The following RASSF8 variants were observed in gnomAD, a reference collection of about 807,000 sequenced individuals.
The protein encoded by RASSF8 is ras association domain-containing protein 8.
Under a neutral mutation model 48.5 loss-of-function variants are expected in RASSF8, and 22 were observed. The ratio of observed to expected loss-of-function variants is 0.45; its 90% confidence interval spans 0.32 to 0.65. The LOEUF (loss-of-function observed/expected upper bound fraction) is 0.65, where lower values mean the gene tolerates loss of function less well. Among genes scored for constraint, RASSF8 ranks in the 30% least tolerant of loss-of-function variants. The pLI, the probability that RASSF8 is intolerant of heterozygous loss-of-function variation, is 0.03. For missense variants in RASSF8, 418 were observed against 489.2 expected, an observed-to-expected ratio of 0.85 and a Z score of 1.37; for synonymous variants, 127 against 171.5, an observed-to-expected ratio of 0.74 and a Z score of 2.03.
intron 2 of RASSF8, among the ~76,000 whole-genome samples, chr12:26,023,777 A>T (rs185832357): frequency 6.6e-6 from 1 of 152,210 alleles, no homozygotes; most frequent in Non-Finnish European, 1.5e-5. Context: ...AAAAGAAATT[A>T]TAAAAAAAGT....
chr12:25,979,915 G>A (rs1941698892), intron 1 of RASSF8, among the ~76,000 whole-genome samples: 1 of 152,218 alleles, frequency 6.6e-6, no homozygotes, highest in East Asian at 1.9e-4. Context: ...GATGTAGCAG[G>A]TAGGGAAGGC....
rs1944014739 is a variant in RASSF8 at position 26,072,262 on chromosome 12, A to T, written c.*3444A>T. The T allele has an allele frequency of 1.0e-6, 1 of 977,962 alleles. No individual in the cohort carries two copies. The highest frequency in any genetic ancestry group is 1.2e-6 in the Non-Finnish European group (1 of 823,152). 60.6% of individuals were successfully genotyped at this position (977,962 alleles called of 1,614,324 possible). A position where few individuals can be genotyped will look rare whatever the true frequency, so the allele number is the denominator to read the frequency against. ...GTTCAGTTTTTTAAGTTGCATGTTT[A>T]TACTATTTGCTACAGTATTTTTAAG... On this transcript the variant is annotated 3_prime_UTR_variant, in exon 6 of 6. Coordinates refer to ENST00000689635, the MANE Select transcript of RASSF8 (RefSeq NM_001394098.1).
rs1379747886 is a variant in RASSF8 at position 26,072,152 on chromosome 12, T to C, written c.*3334T>C. 1.0e-6 allele frequency: 1 copy of C among 982,588 alleles called. No homozygotes were observed. The highest frequency in any genetic ancestry group is 1.2e-6 in the Non-Finnish European group (1 of 827,428). 60.9% of individuals were successfully genotyped at this position (982,588 alleles called of 1,614,324 possible). ...GGCCTTAATTTATATAACGATGCTG[T>C]GTTCACATCCCTCTCCTACCTAAAG... On this transcript the variant is annotated 3_prime_UTR_variant, in exon 6 of 6. Transcript: ENST00000689635.
intron 1 of RASSF8, among the ~76,000 whole-genome samples, chr12:25,976,631 C>T (rs983755480): frequency 1.3e-5 from 2 of 152,202 alleles, no homozygotes; most frequent in Non-Finnish European, 2.9e-5. Context: ...GGCCATTGAG[C>T]TGCTGCTTGG....
chr12:26,015,844 T>C (rs1406242434), intron 2 of RASSF8, among the ~76,000 whole-genome samples: 1 of 127,624 alleles, frequency 7.8e-6, no homozygotes, highest in Non-Finnish European at 1.8e-5. Context: ...TTTCTCTTTT[T>C]TCTTTATTGA....
Position 26,072,694 on chromosome 12 carries a change from G to T in RASSF8, c.*3876G>T. 1.0e-6 allele frequency: 1 copy of T among 984,182 alleles called. No homozygotes were observed. The highest frequency in any genetic ancestry group is 1.2e-6 in the Non-Finnish European group (1 of 828,852). 61.0% of individuals were successfully genotyped at this position (984,182 alleles called of 1,614,324 possible). ...TCACTAATTGTGAGCACATAAATAT[G>T]CTTTTAGTACTGCTTTGCTTATGTA... On this transcript the variant is annotated 3_prime_UTR_variant, in exon 6 of 6. Coordinates refer to ENST00000689635, the MANE Select transcript of RASSF8 (RefSeq NM_001394098.1).
chr12:26,001,474 T>C (rs1942255726), intron 2 of RASSF8, among the ~76,000 whole-genome samples: 1 of 152,214 alleles, frequency 6.6e-6, no homozygotes, highest in Non-Finnish European at 1.5e-5. Context: ...GATAACACTT[T>C]GCTTAAAATA....
intron 2 of RASSF8, among the ~76,000 whole-genome samples, chr12:26,016,536 A>G (rs1488370016): frequency 6.6e-6 from 1 of 152,156 alleles, no homozygotes; most frequent in African/African-American, 2.4e-5. Flanking sequence ...TGATATTGTT[A>G]TCTACATGTA....
Position 26,066,537 on chromosome 12 carries a change from A to T in RASSF8, c.994-1032A>T, listed in dbSNP as rs148767072. 5.3e-3 allele frequency among the ~76,000 whole-genome samples: 808 copies of T among 152,250 alleles called. 7 individuals are homozygous for T. The highest frequency in any genetic ancestry group is 0.019 in the African/African-American group (771 of 41,542). On this transcript the variant is annotated intron_variant, in intron 4 of 5. Coordinates refer to ENST00000689635, the MANE Select transcript of RASSF8 (RefSeq NM_001394098.1). ...TGCAGTAGAAGCTTGTCAGCCTCTA[A>T]TTTGTCAGTATTTTACTATTGGGAT...
At chr12:26,073,929 A>G (rs923474361), downstream of RASSF8, among the ~76,000 whole-genome samples, 1 of 151,948 alleles carries the variant, frequency 6.6e-6, no homozygotes, top group East Asian at 1.9e-4. Context: ...TTAGGGCCAC[A>G]TAGAAGAAAC....
intron 2 of RASSF8, among the ~76,000 whole-genome samples, chr12:26,001,096 C>T (rs1006920492): frequency 2.0e-5 from 3 of 150,646 alleles, no homozygotes; most frequent in African/African-American, 2.4e-5. Flanking sequence ...GTGATCCTCC[C>T]GCTTCAGCCT....
chr12:26,035,547 A>G (rs1943127196), intron 2 of RASSF8, among the ~76,000 whole-genome samples: 1 of 140,826 alleles, frequency 7.1e-6, no homozygotes, highest in South Asian at 2.2e-4. Flanking sequence ...AAAATTATAT[A>G]TAGTGTATAT....
intron 2 of RASSF8, among the ~76,000 whole-genome samples, chr12:26,011,114 A>C (rs1416026076): frequency 6.6e-6 from 1 of 152,232 alleles, no homozygotes; most frequent in Non-Finnish European, 1.5e-5. Context: ...TAGAAACCAC[A>C]GGAACCCTTA....
chr12:26,071,915 G>A lies in RASSF8; in HGVS notation c.*3097G>A. ...CACAGCATAAATGTAATTTACATCTGCATTAAAGGATAATTTTCTCTGTGA... is the reference window on the plus strand; with the variant it reads ...CACAGCATAAATGTAATTTACATCTACATTAAAGGATAATTTTCTCTGTGA... On this transcript the variant is annotated 3_prime_UTR_variant, in exon 6 of 6. Transcript: ENST00000689635. 1 of 985,032 alleles carries A rather than the reference G, an allele frequency of 1.0e-6. No homozygotes were observed. Among genetic ancestry groups the A allele is most frequent in the Non-Finnish European group, 1.2e-6 (1 of 829,606 alleles). The allele number at this position is 985,032 out of a possible 1,614,324, so 61.0% of individuals were successfully genotyped here.
Position 26,068,883 on chromosome 12 carries a change from TTGTGCCAA to T in RASSF8, c.*68_*75del. On this transcript the variant is annotated 3_prime_UTR_variant, in exon 6 of 6. Coordinates refer to ENST00000689635, the MANE Select transcript of RASSF8 (RefSeq NM_001394098.1). ...AAGGACAGTAAACTTCCTTTTTGAT[TTGTGCCAA>T]TGATGAACAGAGGATCTATTCCACA... 1 of 1,520,738 alleles carries T rather than the reference TTGTGCCAA, an allele frequency of 6.6e-7. No individual in the cohort carries two copies. Among genetic ancestry groups the T allele is most frequent in the East Asian group, 2.5e-5 (1 of 40,562 alleles). 94.2% of individuals were successfully genotyped at this position (1,520,738 alleles called of 1,614,324 possible).
At chr12:26,014,981 G>T (rs1176529936) in intron 2 of RASSF8, among the ~76,000 whole-genome samples, 2 of 151,992 alleles carry the variant, frequency 1.3e-5, no homozygotes, top group African/African-American at 4.8e-5. Context: ...CAAGGTGGGA[G>T]GATCGCTTGA....
At chr12:26,011,397 G>C (rs1942521381) in intron 2 of RASSF8, among the ~76,000 whole-genome samples, 2 of 152,124 alleles carry the variant, frequency 1.3e-5, no homozygotes, top group Non-Finnish European at 2.9e-5. Context: ...TCCTCTTCCT[G>C]ACGAGCAGTA....
chr12:25,986,101 G>C (rs1382720708), intron 1 of RASSF8, among the ~76,000 whole-genome samples: 2 of 152,190 alleles, frequency 1.3e-5, no homozygotes, highest in Non-Finnish European at 2.9e-5. Context: ...CAGTGACCCT[G>C]TAGCAGAGTC....
At chr12:26,032,298 A>G (rs1943046322) in intron 2 of RASSF8, among the ~76,000 whole-genome samples, 1 of 152,186 alleles carries the variant, frequency 6.6e-6, no homozygotes, top group Non-Finnish European at 1.5e-5. Context: ...AAGTGGGAGA[A>G]ATTTGAGTCA....
Sources: gnomAD v4.1 joint callset for allele counts (sites outside exome capture counted in the v4.1 genomes callset) on GRCh38, gnomAD v4.1.1 for gene constraint, MANE v1.5 for transcripts, NCBI Gene and HGNC (gene_info 2026-07-23, HGNC 2026-07-21) for gene names.